WDR17: variants seen among roughly 807,000 people sequenced by gnomAD.
WDR17 encodes WD repeat domain 17.
In WDR17, 143 loss-of-function variants were observed where a neutral mutation model predicts 161.7. That is an observed-to-expected ratio of 0.88 (90% CI 0.77 to 1.02). WDR17 has a LOEUF of 1.02. Among genes scored for constraint, WDR17 ranks in the 50% least tolerant of loss-of-function variants. The pLI is 0.00. For synonymous variants in WDR17, 517 were observed against 515.6 expected, an observed-to-expected ratio of 1.00 and a Z score of -0.04; for missense variants, 1,469 against 1,520.9, an observed-to-expected ratio of 0.97 and a Z score of 0.57.
At position 176,084,053 on chromosome 4, in the gene WDR17, G is replaced by A. The variant is rs76964047; in HGVS notation, c.-7+17974G>A. ...TGTTTTTGTTTTTTTTTGGTTGTAA[G>A]TGTCCTTTGTTGAACATAGGTGCTA... On this transcript the variant is annotated intron_variant, in intron 1 of 28. Coordinates refer to ENST00000508596, the MANE Select transcript of WDR17 (RefSeq NM_181265.4). Among the ~76,000 whole-genome samples, 57 of 151,664 alleles carry A rather than the reference G, an allele frequency of 3.8e-4. No homozygotes were observed. In the East Asian group the frequency reaches 0.01, roughly 27 times the overall value.
intron 24 of WDR17, 81 bp from the exon 25 acceptor site, chr4:176,173,186 T>C: frequency 1.1e-6 from 1 of 927,618 alleles, no homozygotes. Context: ...TGACAGAAAA[T>C]TAATTATATA....
At chr4:176,135,983 G>A (rs1285525247) in intron 8 of WDR17, among the ~76,000 whole-genome samples, 2 of 151,418 alleles carry the variant, frequency 1.3e-5, no homozygotes, top group Non-Finnish European at 1.5e-5. Context: ...TCATACACAG[G>A]GATTCTTAAC....
intron 1 of WDR17, among the ~76,000 whole-genome samples, chr4:176,095,223 G>A (rs1053690648): frequency 6.6e-6 from 1 of 152,152 alleles, no homozygotes; most frequent in African/African-American, 2.4e-5. Context: ...TAAGGCAGGC[G>A]ATTAAAAACC....
intron 7 of WDR17, among the ~76,000 whole-genome samples, chr4:176,133,823 A>G (rs1023711531): frequency 1.3e-5 from 2 of 151,724 alleles, no homozygotes; most frequent in African/African-American, 2.4e-5. Context: ...GTGTACTTCC[A>G]TATGAATATT....
rs1366275566 is a variant in WDR17, at chr4:176,182,245, G to C, written c.*2666G>C. On this transcript the variant is annotated 3_prime_UTR_variant, in exon 29 of 29. Coordinates refer to ENST00000508596, the MANE Select transcript of WDR17 (RefSeq NM_181265.4). This position sits in a 1 kb window ranked among gnomAD's most constrained non-coding sequence, Gnocchi z 4.2. ...AAAGCATTGGAAAAATATTTTGCCTGTAAAAGTTAGTAACTAGGTGGTTCA... is the reference window on the plus strand; with the variant it reads ...AAAGCATTGGAAAAATATTTTGCCTCTAAAAGTTAGTAACTAGGTGGTTCA... The C allele has an allele frequency of 6.6e-6, 1 of 151,930 alleles. No individual in the cohort carries two copies. The highest frequency in any genetic ancestry group is 6.6e-5 in the Admixed American group (1 of 15,260). 9.4% of individuals were successfully genotyped at this position (151,930 alleles called of 1,614,324 possible).
At position 176,131,747 on chromosome 4, in the gene WDR17, G is replaced by A; in HGVS notation, c.1098+9G>A. The stretch of plus-strand genomic sequence containing the variant: ...ATTTTCTTAGAGACTTGGTATGTAT[G>A]TAGTCATTCCTTTATTATACATAAT... On this transcript the variant is annotated intron_variant, in intron 7 of 28. Coordinates refer to ENST00000508596, the MANE Select transcript of WDR17 (RefSeq NM_181265.4). 6.3e-7 allele frequency: 1 copy of A among 1,593,098 alleles called. No individual in the cohort carries two copies. The highest frequency in any genetic ancestry group is 8.5e-7 in the Non-Finnish European group (1 of 1,170,952).
rs945793317 is a variant in WDR17 at position 176,156,738 on chromosome 4, T to G, written c.2525+595T>G. Among the ~76,000 whole-genome samples, 15 of 152,144 alleles carry G rather than the reference T, an allele frequency of 9.9e-5. No individual in the cohort carries two copies. In the South Asian group the frequency reaches 2.5e-3, roughly 25 times the overall value. ...CCTAAAACAACAGAAATTTATTTTC[T>G]CACAGTTCTGGAGGCCAGAAGTCTA... On this transcript the variant is annotated intron_variant, in intron 18 of 28. Transcript: ENST00000508596.
chr4:176,162,095 A>G lies in WDR17; in HGVS notation c.2771A>G (p.Lys924Arg). 1 of 1,612,928 alleles carries G rather than the reference A, an allele frequency of 6.2e-7. No individual in the cohort carries two copies. The highest frequency in any genetic ancestry group is 1.3e-5 in the African/African-American group (1 of 75,006). ...TCTAGACTCCTGCACAAAGTCAGTA[A>G]AGAACTGGCAGAATGGTATTTTCAA... ...DFNELLHKVS[K>R]ELAEWYFQDG... Residue 924 changes from lysine to arginine, a missense_variant, in exon 21 of 29, where the codon AAA becomes AGA. Transcript: ENST00000508596.
In WDR17 at chr4:176,154,947, G is replaced by A. The variant is rs185906820; in HGVS notation, c.2461-1132G>A. ...ACAATCAGCCTTTATTAAACAATGA[G>A]CTTCTTCAATAGAAGTCCAATTTTT... On this transcript the variant is annotated intron_variant, in intron 17 of 28. Coordinates refer to ENST00000508596, the MANE Select transcript of WDR17 (RefSeq NM_181265.4). Among the ~76,000 whole-genome samples the A allele has an allele frequency of 4.5e-3, 684 of 152,086 alleles. 7 individuals carry two copies. The highest frequency in any genetic ancestry group is 0.016 in the African/African-American group (654 of 41,494).
intron 3 of WDR17, among the ~76,000 whole-genome samples, chr4:176,116,336 C>T (rs537186728): frequency 1.1e-4 from 16 of 151,770 alleles, no homozygotes; most frequent in African/African-American, 3.1e-4. Context: ...TCTATTCCAA[C>T]CTTTAAATTA....
intron 26 of WDR17, among the ~76,000 whole-genome samples, chr4:176,175,750 G>A (rs192350702): frequency 2.1e-3 from 319 of 151,948 alleles, no homozygotes; most frequent in African/African-American, 7.2e-3. Flanking sequence ...TAGTAGAGAC[G>A]GGGTTTCACC....
At chr4:176,070,125 CTACTTCTGAAGCTT>C (rs1260645082) in intron 1 of WDR17, among the ~76,000 whole-genome samples, 1 of 152,192 alleles carries the variant, frequency 6.6e-6, no homozygotes, top group Non-Finnish European at 1.5e-5. Flanking sequence ...GGCTTATGTT[CTACTTCTGAAGCTT>C]TACTTGGGAG....
intron 1 of WDR17, among the ~76,000 whole-genome samples, chr4:176,086,190 T>G (rs1735393865): frequency 6.6e-6 from 1 of 152,038 alleles, no homozygotes; most frequent in African/African-American, 2.4e-5. Context: ...AAAGTTTGGT[T>G]AAATTTTCTT....
intron 3 of WDR17, among the ~76,000 whole-genome samples, chr4:176,119,588 TA>T (rs1181308761): frequency 6.6e-6 from 1 of 152,138 alleles, no homozygotes; most frequent in Non-Finnish European, 1.5e-5. Context: ...TATAGTCTAC[TA>T]AAATAAAAAA....
At chr4:176,113,465 T>C (rs1437449859) in intron 2 of WDR17, among the ~76,000 whole-genome samples, 2 of 152,030 alleles carry the variant, frequency 1.3e-5, no homozygotes, top group African/African-American at 4.8e-5. Flanking sequence ...CATTAAGGAC[T>C]GAAACAAACT....
At chr4:176,174,408 T>C (rs1751170912) in intron 25 of WDR17, among the ~76,000 whole-genome samples, 1 of 152,154 alleles carries the variant, frequency 6.6e-6, no homozygotes, top group African/African-American at 2.4e-5. Flanking sequence ...AATATGCTTA[T>C]TTTATAGTCT....
intron 9 of WDR17, 25 bp from the exon 10 acceptor site, chr4:176,139,867 G>T: frequency 1.3e-6 from 2 of 1,562,824 alleles, no homozygotes; most frequent in South Asian, 1.2e-5. Context: ...ATTTCTTATT[G>T]ATAGGTATTT....
chr4:176,165,549 ACAGT>A (rs1238169640), intron 22 of WDR17, among the ~76,000 whole-genome samples: 2 of 152,218 alleles, frequency 1.3e-5, no homozygotes, highest in Non-Finnish European at 1.5e-5. Context: ...GATAACATTA[ACAGT>A]CAATTAACAG....
At chr4:176,120,144 T>C (rs777713388) in intron 4 of WDR17, 47 bp downstream of exon 4, 6 of 1,450,326 alleles carry the variant, frequency 4.1e-6, no homozygotes, top group East Asian at 2.5e-5. Context: ...ATTTTTCTTA[T>C]ATATAATTTT....
Sources: allele counts gnomAD v4.1 joint callset (sites outside exome capture counted in the v4.1 genomes callset), GRCh38; gene constraint gnomAD v4.1.1; non-coding constraint Gnocchi (gnomAD v3.1); transcripts MANE v1.5; gene names NCBI Gene and HGNC (gene_info 2026-07-23, HGNC 2026-07-21).